The following PCSK5 variants were observed in gnomAD, a reference collection of about 807,000 sequenced individuals.
PCSK5 encodes the protein prohormone convertase 5.
Under a neutral mutation model 233.2 loss-of-function variants are expected in PCSK5, and 129 were observed. That is an observed-to-expected ratio of 0.55 (90% CI 0.48 to 0.64). The LOEUF (loss-of-function observed/expected upper bound fraction) is 0.64. Among genes scored for constraint, PCSK5 ranks in the 30% least tolerant of loss-of-function variants. The probability of loss-of-function intolerance (pLI) is 0.00; values close to 1 mark genes in which losing one functional copy is unlikely to be tolerated. For missense variants in PCSK5, 2,076 were observed against 2,430.1 expected, an observed-to-expected ratio of 0.85 and a Z score of 3.06; for synonymous variants, 825 against 879.2, an observed-to-expected ratio of 0.94 and a Z score of 1.09.
Position 76,095,876 on chromosome 9 carries a change from C to T in PCSK5, c.895-14C>T. On this transcript the variant is annotated splice_polypyrimidine_tract_variant and intron_variant, in intron 7 of 37. Transcript: ENST00000674117. ...ATTTCACACCATCATTTAGCTTTCT[C>T]TGTTTGTGAACAGGGGCGGAGAGGC... 6.2e-7 allele frequency: 1 copy of T among 1,612,118 alleles called. No individual in the cohort carries two copies. Among genetic ancestry groups the T allele is most frequent in the South Asian group, 1.1e-5 (1 of 91,038 alleles).
chr9:76,195,042 GTAAA>G (rs1824622735), intron 20 of PCSK5: 1 of 169,798 alleles, frequency 5.9e-6, no homozygotes, highest in Admixed American at 6.2e-5. Context: ...TGAATAATAA[GTAAA>G]TAGTCTGATG....
Position 76,351,507 on chromosome 9 carries a change from A to G in PCSK5, c.5067+579A>G, listed in dbSNP as rs188221643. Among the ~76,000 whole-genome samples the G allele has an allele frequency of 5.0e-3, 279 of 55,902 alleles. 1 individual carries two copies. Among genetic ancestry groups the G allele is most frequent in the Middle Eastern group, 0.016 (3 of 186 alleles). The allele number at this position is 55,902 out of a possible 152,430, so 36.7% of individuals were successfully genotyped here. On this transcript the variant is annotated intron_variant, in intron 36 of 37. Transcript: ENST00000674117. ...AAGAAAGAAAGAAAGAAAGAAAGAA[A>G]GAAAGAAAGAAAGAAAGAAAGAAAG...
intron 12 of PCSK5, among the ~76,000 whole-genome samples, chr9:76,167,146 G>A (rs1823118974): frequency 6.6e-6 from 1 of 152,178 alleles, no homozygotes; most frequent in Admixed American, 6.5e-5. Flanking sequence ...CCTTGTCACT[G>A]TGAGCCAAAG....
At position 76,338,276 on chromosome 9, in the gene PCSK5, A is replaced by C; in HGVS notation, c.4795A>C (p.Ser1599Arg). Reference protein sequence around the residue: ...STGRCERCNRSCKGCQGPRPT... With the variant: ...STGRCERCNRRCKGCQGPRPT... ...TGGCCGGTGTGAGAGGTGCAACAGG[A>C]GCTGCAAGGGGTGCCAGGGCCCACG... The change falls in exon 35 of 38, where the codon AGC (serine) becomes CGC (arginine). Residue 1599 changes from serine to arginine, a missense_variant. By Grantham distance (110) the Ser-to-Arg change is moderately radical (BLOSUM62 -1). Around this residue, in one of 6 missense-constraint regions of PCSK5, gnomAD observed 1,510 missense variants for 1,538.1 expected, o/e 0.98. Transcript: ENST00000674117. 6.2e-7 allele frequency: 1 copy of C among 1,612,566 alleles called. No homozygotes were observed. The highest frequency in any genetic ancestry group is 8.5e-7 in the Non-Finnish European group (1 of 1,179,694).
chr9:76,140,555 T>G (rs762016492), intron 10 of PCSK5, among the ~76,000 whole-genome samples: 47 of 151,978 alleles, frequency 3.1e-4, no homozygotes, highest in Non-Finnish European at 5.4e-4. Context: ...TAGAATTTTT[T>G]GGGGGTTGAA....
At chr9:76,139,660 T>C (rs919874231) in intron 10 of PCSK5, among the ~76,000 whole-genome samples, 4 of 152,224 alleles carry the variant, frequency 2.6e-5, no homozygotes, top group African/African-American at 9.6e-5. Flanking sequence ...TAAGATTCTA[T>C]GTTTTCTACC....
chr9:76,199,096 G>A (rs1312861216), intron 20 of PCSK5, among the ~76,000 whole-genome samples: 2 of 152,202 alleles, frequency 1.3e-5, no homozygotes, highest in East Asian at 3.8e-4. Context: ...TACAGCCATT[G>A]TCACTTGACA....
At chr9:76,336,073 C>A (rs1231128725) in intron 34 of PCSK5, among the ~76,000 whole-genome samples, 1 of 152,202 alleles carries the variant, frequency 6.6e-6, no homozygotes, top group Non-Finnish European at 1.5e-5. Context: ...GCTTTGTCAA[C>A]CATTCAGCTC....
intron 5 of PCSK5, among the ~76,000 whole-genome samples, chr9:76,058,234 G>A (rs1829895122): frequency 6.6e-6 from 1 of 152,076 alleles, no homozygotes; most frequent in Non-Finnish European, 1.5e-5. Flanking sequence ...GCCTAGGCAG[G>A]TACATGCATT....
At chr9:76,147,628 T>TA (rs1159898788) in intron 10 of PCSK5, among the ~76,000 whole-genome samples, 1 of 152,222 alleles carries the variant, frequency 6.6e-6, no homozygotes, top group African/African-American at 2.4e-5. Flanking sequence ...GTGATTCCGA[T>TA]ACACATGCAA....
At chr9:75,978,678 T>A (rs10869676) in intron 2 of PCSK5, among the ~76,000 whole-genome samples, 1 of 151,942 alleles carries the variant, frequency 6.6e-6, no homozygotes, top group Non-Finnish European at 1.5e-5. Context: ...TTATAAAACC[T>A]AATTTAATGT....
chr9:76,267,609 T>A (rs925991692), intron 24 of PCSK5, among the ~76,000 whole-genome samples: 1 of 152,158 alleles, frequency 6.6e-6, no homozygotes, highest in Non-Finnish European at 1.5e-5. Flanking sequence ...AAGACCATTG[T>A]AGACACTAAA....
At chr9:75,986,378 G>T in intron 3 of PCSK5, 133 bp downstream of exon 3, 1 of 606,272 alleles carries the variant, frequency 1.6e-6, no homozygotes, top group South Asian at 2.1e-5. Context: ...CCCACCATTT[G>T]AGATTGGTTA....
At chr9:76,288,986 C>T (rs867791462) in intron 24 of PCSK5, among the ~76,000 whole-genome samples, 8 of 152,106 alleles carry the variant, frequency 5.3e-5, no homozygotes, top group African/African-American at 1.7e-4. Context: ...CTGCTGAAGG[C>T]GATGTTGAAG....
At chr9:76,108,354 C>G (rs1417097841) in intron 9 of PCSK5, among the ~76,000 whole-genome samples, 1 of 152,122 alleles carries the variant, frequency 6.6e-6, no homozygotes, top group Non-Finnish European at 1.5e-5. Context: ...CACCTCTGCC[C>G]TAGGGAGGAA....
rs367924861 is a variant in PCSK5, at chr9:76,029,751, T to C, written c.632+2714T>C. On this transcript the variant is annotated intron_variant, in intron 5 of 37. Transcript: ENST00000674117. ...TCCTAGGCCTGTCAGAAAGTGACAGTCTTCACTTAGCACAGGTCAGGAACC... is the reference window on the plus strand; with the variant it reads ...TCCTAGGCCTGTCAGAAAGTGACAGCCTTCACTTAGCACAGGTCAGGAACC... Among the ~76,000 whole-genome samples the C allele has an allele frequency of 1.4e-3, 207 of 152,268 alleles. 6 individuals are homozygous for C. The South Asian group carries it at 0.04, about 29-fold the overall frequency.
intron 20 of PCSK5, among the ~76,000 whole-genome samples, chr9:76,210,735 G>T (rs765311378): frequency 1.3e-5 from 2 of 152,192 alleles, no homozygotes; most frequent in East Asian, 3.8e-4. Context: ...CAGAATTGGC[G>T]TGGGGGGTGG....
At chr9:76,340,601 C>T (rs1368081987) in intron 35 of PCSK5, among the ~76,000 whole-genome samples, 5 of 139,350 alleles carry the variant, frequency 3.6e-5, no homozygotes, top group East Asian at 2.3e-4. Context: ...GCCGAGATTG[C>T]GCCATTGCAC....
chr9:76,353,175 T>C (rs1213715013), intron 36 of PCSK5, among the ~76,000 whole-genome samples: 1 of 152,152 alleles, frequency 6.6e-6, no homozygotes, highest in African/African-American at 2.4e-5. Context: ...CAAAAGCAAT[T>C]TCCATTCCTT....
Sources: allele counts gnomAD v4.1 joint callset (sites outside exome capture counted in the v4.1 genomes callset), GRCh38; gene constraint gnomAD v4.1.1; regional missense constraint gnomAD v4.1.1; transcripts MANE v1.5; gene names NCBI Gene and HGNC (gene_info 2026-07-23, HGNC 2026-07-21).